CYSLTR1: variants seen among roughly 807,000 people sequenced by gnomAD.
The protein encoded by CYSLTR1 is cysteinyl leukotriene receptor 1, also known as G-protein coupled receptor HG55.
CYSLTR1 carries 1 observed loss-of-function variant against 2.1 expected under a neutral mutation model. The observed-to-expected ratio is 0.48, with a 90% CI of 0.17 to 2.28. The LOEUF (loss-of-function observed/expected upper bound fraction) is 2.28, where lower values mean the gene tolerates loss of function less well. CYSLTR1 is among the 30% of genes most tolerant of loss of function. The probability of loss-of-function intolerance (pLI) is 0.26; values close to 1 mark genes in which losing one functional copy is unlikely to be tolerated. For synonymous variants in CYSLTR1, 110 were observed against 89.6 expected, an observed-to-expected ratio of 1.23 and a Z score of -1.28; for missense variants, 299 against 250.1, an observed-to-expected ratio of 1.20 and a Z score of -1.32.
intron 1 of CYSLTR1, among the ~76,000 whole-genome samples, chrX:78,313,977 G>T (rs1156244546): frequency 9.0e-6 from 1 of 111,624 alleles, no homozygotes; most frequent in East Asian, 2.8e-4. Context: ...TAGCATCAGC[G>T]AGCCAAGAGA....
chrX:78,318,864 C>T (rs1417903102), intron 1 of CYSLTR1: 1 of 109,474 alleles, frequency 9.1e-6, no homozygotes, highest in African/African-American at 3.3e-5. Context: ...TTTTGCAATG[C>T]CTCCTGACCC....
Position 78,271,721 on chromosome X carries a change from C to T in CYSLTR1, c.*1012G>A, listed in dbSNP as rs1419144915. ...AATAAAACTTATCGTGAACTTTCAC[C>T]CATAATGCATATCATACAGCAAAAT... On this transcript the variant is annotated 3_prime_UTR_variant, in exon 3 of 3. Coordinates refer to ENST00000373304, the MANE Select transcript of CYSLTR1 (RefSeq NM_006639.4). The T allele has an allele frequency of 9.0e-6, 1 of 111,494 alleles. No individual in the cohort carries two copies. Among genetic ancestry groups the T allele is most frequent in the East Asian group, 2.8e-4 (1 of 3,596 alleles). The allele number at this position is 111,494 out of a possible 1,213,427, so 9.2% of individuals were successfully genotyped here. A position where few individuals can be genotyped will look rare whatever the true frequency, so the allele number is the denominator to read the frequency against.
intron 1 of CYSLTR1, among the ~76,000 whole-genome samples, chrX:78,292,927 T>A (rs183342229): frequency 1.8e-5 from 2 of 110,879 alleles, no homozygotes; most frequent in East Asian, 5.6e-4. Context: ...TGACTGTTTA[T>A]CCAATTTGCC....
chrX:78,322,038 G>C (rs1423874421), intron 1 of CYSLTR1, among the ~76,000 whole-genome samples: 1 of 111,261 alleles, frequency 9.0e-6, no homozygotes, highest in Non-Finnish European at 1.9e-5. Context: ...GGGGAGGCTG[G>C]GACTCAGGGC....
At chrX:78,317,852 A>G (rs1236838064) in intron 1 of CYSLTR1, among the ~76,000 whole-genome samples, 1 of 111,855 alleles carries the variant, frequency 8.9e-6, no homozygotes, top group Admixed American at 9.5e-5. Flanking sequence ...AGTGAGGGCT[A>G]AAAGACTACA....
At chrX:78,302,045 G>A (rs190616725) in intron 1 of CYSLTR1, among the ~76,000 whole-genome samples, 59 of 111,899 alleles carry the variant, frequency 5.3e-4, no homozygotes, top group African/African-American at 7.5e-4. Context: ...ACCCAACCCC[G>A]TGATTCAGTT....
chrX:78,304,475 A>G (rs1356792812), intron 1 of CYSLTR1, among the ~76,000 whole-genome samples: 1 of 111,786 alleles, frequency 8.9e-6, no homozygotes, highest in Non-Finnish European at 1.9e-5. Flanking sequence ...ATTAAAAGCC[A>G]GTGCCCTTAT....
intron 1 of CYSLTR1, among the ~76,000 whole-genome samples, chrX:78,295,636 G>A (rs1244750150): frequency 9.0e-6 from 1 of 111,575 alleles, no homozygotes; most frequent in African/African-American, 3.3e-5. Context: ...GTATTTCTCT[G>A]ATGATAAATG....
At position 78,284,717 on chromosome X, in the gene CYSLTR1, T is replaced by C. The variant is rs764904591; in HGVS notation, c.-114-1177A>G. On this transcript the variant is annotated intron_variant, in intron 1 of 2. Coordinates refer to ENST00000373304, the MANE Select transcript of CYSLTR1 (RefSeq NM_006639.4). ...ACACCTGGCCCCTTCGGTTTATTCT[T>C]AACCAGTAGAAACAGGCTGGAACTT... Among the ~76,000 whole-genome samples the C allele has an allele frequency of 4.1e-5, 4 of 97,208 alleles. No individual in the cohort carries two copies. In the East Asian group the frequency reaches 1.3e-3, roughly 31 times the overall value. The allele number at this position is 97,208 out of a possible 115,157, so 84.4% of individuals were successfully genotyped here.
chrX:78,292,943 G>A (rs1221094507), intron 1 of CYSLTR1, among the ~76,000 whole-genome samples: 1 of 110,763 alleles, frequency 9.0e-6, no homozygotes, highest in Admixed American at 9.6e-5. Flanking sequence ...TTGCCAGTCT[G>A]TGTCCTTTTA....
intron 1 of CYSLTR1, among the ~76,000 whole-genome samples, chrX:78,294,594 C>A (rs1053259304): frequency 1.8e-5 from 2 of 112,923 alleles, no homozygotes; most frequent in East Asian, 5.6e-4. Context: ...GAGGTGGAGT[C>A]TATAGAGGCA....
In CYSLTR1 at chrX:78,272,833, C is replaced by T; in HGVS notation, c.914G>A (p.Arg305Lys). The change falls in exon 3 of 3, where the codon AGG (arginine) becomes AAG (lysine). Residue 305 changes from arginine to lysine, a missense_variant. Physicochemically the swap from Arg to Lys is conservative, Grantham distance 26. Coordinates refer to ENST00000373304, the MANE Select transcript of CYSLTR1 (RefSeq NM_006639.4). ...YFFSGGNFRK[R>K]LSTFRKHSLS... ...AGAATGCTTTCTGAATGTAGACAGC[C>T]TTTTCCTAAAGTTACCCCCAGAAAA... 4.1e-6 allele frequency: 5 copies of T among 1,210,861 alleles called. No individual in the cohort carries two copies. Among genetic ancestry groups the T allele is most frequent in the Non-Finnish European group, 5.6e-6 (5 of 895,081 alleles).
chrX:78,299,967 T>C (rs1922746744), intron 1 of CYSLTR1, among the ~76,000 whole-genome samples: 1 of 111,851 alleles, frequency 8.9e-6, no homozygotes, highest in Non-Finnish European at 1.9e-5. Context: ...CCTGTAGGAA[T>C]GCTTCATTGT....
At chrX:78,274,257 A>T (rs904680354) in intron 2 of CYSLTR1, among the ~76,000 whole-genome samples, 1 of 111,430 alleles carries the variant, frequency 9.0e-6, no homozygotes, top group East Asian at 2.8e-4. Context: ...ACATCGCCAA[A>T]TCAATCCTAA....
Position 78,278,755 on chromosome X carries a change from A to T in CYSLTR1, c.-28+4699T>A, listed in dbSNP as rs145000658. ...AACAGCATAATACAGGTACAAAAAC[A>T]GACACATGGACCAATGACACAGAAT... is the stretch of plus-strand genomic sequence containing the variant. On this transcript the variant is annotated intron_variant, in intron 2 of 2. Transcript: ENST00000373304. 4.9e-3 allele frequency among the ~76,000 whole-genome samples: 553 copies of T among 112,585 alleles called. 3 individuals carry two copies. Among genetic ancestry groups the T allele is most frequent in the Non-Finnish European group, 8.3e-3 (443 of 53,306 alleles).
chrX:78,272,887 T>C lies in CYSLTR1; in HGVS notation c.860A>G (p.Asn287Ser), dbSNP rs375694744. The C allele has an allele frequency of 7.4e-6, 9 of 1,209,319 alleles. No homozygotes were observed. In the East Asian group the frequency reaches 1.8e-4, roughly 24 times the overall value. Residue 287 changes from asparagine (N) to serine (S), a missense_variant, in exon 3 of 3, where the codon AAT becomes AGT. Asn to Ser is a conservative substitution (Grantham distance 46). Transcript: ENST00000373304. ...ATATAGGAGAGGGTCAAAGCAACAA[T>C]TGGATGCAGCCAGAGACAAGGTTAT... is the stretch of plus-strand genomic sequence containing the variant. The part of the protein sequence containing the change: ...VVITLSLAAS[N>S]CCFDPLLYFF...
chrX:78,323,398 G>A lies in CYSLTR1; in HGVS notation c.-115+3907C>T, dbSNP rs187756710. Among the ~76,000 whole-genome samples, 20 of 111,827 alleles carry A rather than the reference G, an allele frequency of 1.8e-4. No homozygotes were observed. The East Asian group carries it at 3.7e-3, about 21-fold the overall frequency. On this transcript the variant is annotated intron_variant, in intron 1 of 2. Transcript: ENST00000373304. Reference sequence around the variant, plus strand: ...ATTTAAGGCCCTTTGTCTTAAGTAAGAATTCAAATTCAGATCAAACACAAA... The same window carrying A: ...ATTTAAGGCCCTTTGTCTTAAGTAAAAATTCAAATTCAGATCAAACACAAA...
intron 1 of CYSLTR1, among the ~76,000 whole-genome samples, chrX:78,308,079 G>A (rs1923092139): frequency 9.1e-6 from 1 of 110,337 alleles, no homozygotes; most frequent in Non-Finnish European, 1.9e-5. Flanking sequence ...CATTAAGGAG[G>A]GAATCAATGG....
intron 1 of CYSLTR1, among the ~76,000 whole-genome samples, chrX:78,296,745 C>A (rs1028026752): frequency 9.0e-6 from 1 of 111,416 alleles, no homozygotes; most frequent in African/African-American, 3.3e-5. Flanking sequence ...GATTTTGTAT[C>A]CTGCAACTTT....
Sources: gnomAD v4.1 joint callset for allele counts (sites outside exome capture counted in the v4.1 genomes callset) on GRCh38, gnomAD v4.1.1 for gene constraint, MANE v1.5 for transcripts, NCBI Gene and HGNC (gene_info 2026-07-23, HGNC 2026-07-21) for gene names.